CLCN4: variants seen among roughly 807,000 people sequenced by gnomAD.
CLCN4 encodes the protein Cl-/H+ antiporter 4.
CLCN4 carries 1 observed loss-of-function variant against 41.7 expected under a neutral mutation model. That is an observed-to-expected ratio of 0.02 (90% CI 0.01 to 0.11). The LOEUF (loss-of-function observed/expected upper bound fraction) is 0.11, where lower values mean the gene tolerates loss of function less well. Ranked by LOEUF, CLCN4 falls within the 10% of genes least tolerant of loss-of-function variation. The pLI is 1.00. For synonymous variants in CLCN4, 277 were observed against 285.8 expected, an observed-to-expected ratio of 0.97 and a Z score of 0.31; for missense variants, 287 against 661.0, an observed-to-expected ratio of 0.43 and a Z score of 6.20.
intron 9 of CLCN4, 65 bp from the exon 10 acceptor site, chrX:10,212,402 T>G: frequency 1.9e-6 from 2 of 1,061,496 alleles, no homozygotes; most frequent in Non-Finnish European, 2.6e-6. Context: ...ATGTGTTTCT[T>G]GGGGGTCGTG....
chrX:10,228,044 A>G (rs1363278577), intron 12 of CLCN4, among the ~76,000 whole-genome samples: 5 of 110,740 alleles, frequency 4.5e-5, no homozygotes, highest in Non-Finnish European at 9.5e-5. Flanking sequence ...TATCAGGGTA[A>G]ATGGGGTCTC....
At chrX:10,232,423 T>C (rs1053772211) in intron 12 of CLCN4, among the ~76,000 whole-genome samples, 1 of 112,642 alleles carries the variant, frequency 8.9e-6, no homozygotes, top group Non-Finnish European at 1.9e-5. Flanking sequence ...TATTATCATA[T>C]TACACAGAGT....
chrX:10,224,818 C>T (rs1466672600), intron 12 of CLCN4, among the ~76,000 whole-genome samples: 1 of 111,908 alleles, frequency 8.9e-6, no homozygotes, highest in East Asian at 2.8e-4. Context: ...GTTCAGCTCC[C>T]ACTTGTAAGT....
At chrX:10,220,597 G>A (rs1924832474) in intron 11 of CLCN4, 64 bp from the exon 12 acceptor site, 4 of 845,698 alleles carry the variant, frequency 4.7e-6, no homozygotes, top group Non-Finnish European at 7.1e-6. Context: ...TGTGAGTGTG[G>A]GGTGGGGAAT....
At chrX:10,184,997 T>C in intron 2 of CLCN4, 25 bp from the exon 3 acceptor site, 1 of 1,173,217 alleles carries the variant, frequency 8.5e-7, no homozygotes, top group Non-Finnish European at 1.1e-6. Context: ...TGCTCATGTC[T>C]TTAACGACCG....
chrX:10,224,293 C>CGTGTGTGTGTGTGTGTGTGT (rs772983564), intron 12 of CLCN4, among the ~76,000 whole-genome samples: 11 of 87,904 alleles, frequency 1.3e-4, no homozygotes, highest in African/African-American at 4.7e-4. Flanking sequence ...GGGAGGGTTC[C>CGTGTGTGTGTGTGTGTGTGT]GTGTGTGTGT....
intron 6 of CLCN4, 103 bp downstream of exon 6, chrX:10,198,164 T>A: frequency 1.3e-6 from 1 of 762,185 alleles, no homozygotes; most frequent in South Asian, 2.7e-5. Flanking sequence ...TTCTACTAAC[T>A]CATTAAGTTT....
At chrX:10,208,721 C>A in intron 9 of CLCN4, 131 bp downstream of exon 9, 1 of 510,768 alleles carries the variant, frequency 2.0e-6, no homozygotes, top group East Asian at 3.6e-5. Flanking sequence ...ATGTGCCAGG[C>A]ACTTGACATT....
At chrX:10,221,324 C>A (rs1006492887) in intron 12 of CLCN4, among the ~76,000 whole-genome samples, 1 of 111,498 alleles carries the variant, frequency 9.0e-6, no homozygotes, top group Non-Finnish European at 1.9e-5. Context: ...AAAACTTCAT[C>A]AGTGATATAT....
At chrX:10,202,247 G>T (rs1055400553) in intron 6 of CLCN4, among the ~76,000 whole-genome samples, 2 of 111,400 alleles carry the variant, frequency 1.8e-5, no homozygotes, top group African/African-American at 6.5e-5. Flanking sequence ...GCTGAGCTGG[G>T]TGGATCACTT....
At chrX:10,170,696 C>G (rs1044102898) in intron 2 of CLCN4, among the ~76,000 whole-genome samples, 1 of 111,317 alleles carries the variant, frequency 9.0e-6, no homozygotes, top group Non-Finnish European at 1.9e-5. Context: ...CCTGGTAATG[C>G]TGATGCACGT....
chrX:10,225,977 G>A (rs1924980239), intron 12 of CLCN4, among the ~76,000 whole-genome samples: 2 of 111,372 alleles, frequency 1.8e-5, no homozygotes, highest in South Asian at 7.5e-4. Context: ...TGGATACTGT[G>A]GCCATGTAGT....
chrX:10,210,956 CTTTTTTTTT>C (rs779318421), intron 9 of CLCN4, among the ~76,000 whole-genome samples: 132 of 86,570 alleles, frequency 1.5e-3, no homozygotes, highest in African/African-American at 5.4e-3. Flanking sequence ...CCTGAATTGT[CTTTTTTTTT>C]TTTTTTTTTA....
chrX:10,185,300 G>A (rs1164256593), intron 3 of CLCN4, 124 bp downstream of exon 3: 1 of 662,177 alleles, frequency 1.5e-6, no homozygotes, highest in Non-Finnish European at 2.2e-6. Flanking sequence ...AAGAAGAAAA[G>A]AGCCAGTGGG....
At chrX:10,207,012 C>T (rs1209124363) in intron 8 of CLCN4, among the ~76,000 whole-genome samples, 5 of 110,654 alleles carry the variant, frequency 4.5e-5, no homozygotes, top group Non-Finnish European at 7.6e-5. Flanking sequence ...CTCCGCTTCC[C>T]GGGTTGAAGC....
At chrX:10,182,401 T>G (rs1923705860) in intron 2 of CLCN4, among the ~76,000 whole-genome samples, 2 of 112,714 alleles carry the variant, frequency 1.8e-5, no homozygotes, top group African/African-American at 6.4e-5. Flanking sequence ...GACTCACACA[T>G]AAATCTGTGG....
At chrX:10,194,786 G>A in intron 4 of CLCN4, 125 bp from the exon 5 acceptor site, 3 of 626,506 alleles carry the variant, frequency 4.8e-6, no homozygotes, top group East Asian at 6.5e-5. Context: ...CCCATTGCAA[G>A]TTTATTGCCT....
At chrX:10,157,808 C>T (rs1327391748) in intron 1 of CLCN4, among the ~76,000 whole-genome samples, 1 of 112,756 alleles carries the variant, frequency 8.9e-6, no homozygotes, top group Non-Finnish European at 1.9e-5. Flanking sequence ...TGTAAGAAAA[C>T]AGAGACACAA....
At position 10,206,503 on chromosome X, in the gene CLCN4, G is replaced by A; in HGVS notation, c.701G>A (p.Cys234Tyr). 1 of 1,210,689 alleles carries A rather than the reference G, an allele frequency of 8.3e-7. No homozygotes were observed. Among genetic ancestry groups the A allele is most frequent in the African/African-American group, 1.7e-5 (1 of 57,909 alleles). Residue 234 changes from cysteine to tyrosine, a missense_variant, in exon 7 of 13, where the codon TGT becomes TAT. Cys to Tyr is a radical substitution (Grantham distance 194, BLOSUM62 -2). Transcript: ENST00000380833. The stretch of plus-strand genomic sequence containing the variant: ...CCGCTAGTGCACGTGGCTTGTTGCT[G>A]TGGCAACTTCTTCAGCAGCCTTTTC... The part of the protein sequence containing the change: ...EGPLVHVACC[C>Y]GNFFSSLFSK...
Sources: allele counts gnomAD v4.1 joint callset (sites outside exome capture counted in the v4.1 genomes callset), GRCh38; gene constraint gnomAD v4.1.1; transcripts MANE v1.5; gene names NCBI Gene and HGNC (gene_info 2026-07-23, HGNC 2026-07-21).